The following ATXN8OS variants were observed in gnomAD, a reference collection of about 807,000 sequenced individuals.
ATXN8OS encodes ATXN8 opposite strand (non-protein coding).
chr13:70,163,368 C>T (rs888094940), intron 4 of ATXN8OS, among the ~76,000 whole-genome samples: 3 of 151,642 alleles, frequency 2.0e-5, no homozygotes. Flanking sequence ...TACACAAAAT[C>T]ATCTCCCTTG....
At chr13:70,149,648 A>G (rs1474797551) in intron 4 of ATXN8OS, among the ~76,000 whole-genome samples, 2 of 152,154 alleles carry the variant, frequency 1.3e-5, no homozygotes, top group African/African-American at 2.4e-5. Flanking sequence ...GAATATCACT[A>G]TTATCATGAT....
chr13:70,149,810 C>CA (rs1227284920), intron 4 of ATXN8OS, among the ~76,000 whole-genome samples: 1 of 152,056 alleles, frequency 6.6e-6, no homozygotes, highest in East Asian at 1.9e-4. Context: ...TTAAAACAAC[C>CA]ACTGTGGGTA....
At chr13:70,125,126 T>C (rs1330893987) in intron 2 of ATXN8OS, among the ~76,000 whole-genome samples, 1 of 152,144 alleles carries the variant, frequency 6.6e-6, no homozygotes, top group African/African-American at 2.4e-5. Flanking sequence ...GGTATACCTA[T>C]CAATTACCCT....
intron 2 of ATXN8OS, among the ~76,000 whole-genome samples, chr13:70,128,894 C>T (rs9542182): frequency 0.16 from 24,071 of 150,550 alleles, 2,114 homozygotes; most frequent in East Asian, 0.24. Flanking sequence ...TTCTTTTGCT[C>T]TTGTTGCCCA....
intron 4 of ATXN8OS, among the ~76,000 whole-genome samples, chr13:70,164,605 T>C (rs747245711): frequency 6.6e-6 from 1 of 152,028 alleles, no homozygotes; most frequent in African/African-American, 2.4e-5. Context: ...GGATAAAATG[T>C]TACAAATACA....
rs867363029 is a variant in ATXN8OS at position 70,114,113 on chromosome 13, A to T, written n.241-1028A>T. 2.0e-5 allele frequency among the ~76,000 whole-genome samples: 3 copies of T among 152,352 alleles called. No individual in the cohort carries two copies. The Middle Eastern group carries it at 0.01, about 518-fold the overall frequency. The stretch of plus-strand genomic sequence containing the variant: ...TTTGAAACATTATTACTAGAAGTAA[A>T]TTGGCTTCCAAAATCTAATTTGAAA... On this transcript the variant is annotated intron_variant and non_coding_transcript_variant, in intron 1 of 4. Coordinates refer to ENST00000678624, the Ensembl canonical transcript of ATXN8OS.
intron 4 of ATXN8OS, among the ~76,000 whole-genome samples, chr13:70,165,383 T>C (rs1409376076): frequency 1.3e-5 from 2 of 151,930 alleles, no homozygotes; most frequent in African/African-American, 4.8e-5. Flanking sequence ...TCCTGCATAG[T>C]TGTATAATCA....
At chr13:70,112,731 T>C (rs1888214274) in intron 1 of ATXN8OS, among the ~76,000 whole-genome samples, 1 of 151,954 alleles carries the variant, frequency 6.6e-6, no homozygotes, top group Non-Finnish European at 1.5e-5. Context: ...ATTTCATTAG[T>C]ATGTGAATTC....
At chr13:70,112,920 A>ATATATTTTTTTTTTTTTTTTT (rs1555298511) in intron 1 of ATXN8OS, among the ~76,000 whole-genome samples, 3 of 87,590 alleles carry the variant, frequency 3.4e-5, no homozygotes, top group Non-Finnish European at 6.5e-5. Flanking sequence ...TATATATATA[A>ATATATTTTTTTTTTTTTTTTT]TTTTTTTTTT....
chr13:70,134,681 AG>A (rs1263034447), intron 3 of ATXN8OS, among the ~76,000 whole-genome samples: 1 of 152,220 alleles, frequency 6.6e-6, no homozygotes, highest in Non-Finnish European at 1.5e-5. Flanking sequence ...TTTCCTGAAT[AG>A]AAAAGAGACA....
chr13:70,126,900 T>C (rs538997410), intron 2 of ATXN8OS, among the ~76,000 whole-genome samples: 2 of 151,886 alleles, frequency 1.3e-5, no homozygotes, highest in East Asian at 3.9e-4. Context: ...TAGATAACTC[T>C]GTATCTGTAA....
chr13:70,170,722 A>G (rs1889134730), exon 5 of ATXN8OS, among the ~76,000 whole-genome samples: 1 of 152,154 alleles, frequency 6.6e-6, no homozygotes, highest in Non-Finnish European at 1.5e-5. Context: ...AATGAATACA[A>G]TACAGTCACG....
At chr13:70,107,948 G>A (rs1038043140) in exon 1 of ATXN8OS, 2 of 465,698 alleles carry the variant, frequency 4.3e-6, no homozygotes, top group Non-Finnish European at 7.5e-6. Flanking sequence ...CCAGGCAGGA[G>A]CAGAGGCAGG....
intron 3 of ATXN8OS, among the ~76,000 whole-genome samples, chr13:70,142,846 G>C (rs570982438): frequency 6.6e-6 from 1 of 152,148 alleles, no homozygotes. Flanking sequence ...GCCCGAGGCG[G>C]GAGGATCACC....
At chr13:70,139,339 G>GA (rs1888662861) in intron 3 of ATXN8OS, 14 of 638,884 alleles carry the variant, frequency 2.2e-5, no homozygotes, top group Non-Finnish European at 2.7e-6. Context: ...CTTCATGTTA[G>GA]AAAACCTGGC....
chr13:70,112,338 A>C (rs1229997409), intron 1 of ATXN8OS, among the ~76,000 whole-genome samples: 1 of 152,180 alleles, frequency 6.6e-6, no homozygotes, highest in Non-Finnish European at 1.5e-5. Context: ...ATTTAAAATT[A>C]GAGAATACCA....
At chr13:70,162,101 T>C (rs557253665) in intron 4 of ATXN8OS, among the ~76,000 whole-genome samples, 4 of 151,952 alleles carry the variant, frequency 2.6e-5, no homozygotes, top group East Asian at 1.9e-4. Context: ...AAGGAAGAGA[T>C]GGAGGGTGCA....
chr13:70,136,252 T>C (rs1276855550), intron 3 of ATXN8OS, among the ~76,000 whole-genome samples: 1 of 152,192 alleles, frequency 6.6e-6, no homozygotes, highest in African/African-American at 2.4e-5. Context: ...TATGTACTAA[T>C]TTAGGTTGCA....
intron 3 of ATXN8OS, chr13:70,131,401 G>T (rs952651091): frequency 1.3e-5 from 5 of 398,262 alleles, no homozygotes; most frequent in Non-Finnish European, 1.8e-5. Context: ...ACCGTGACAC[G>T]TATCTGTCTC....
Sources: allele counts gnomAD v4.1 joint callset (sites outside exome capture counted in the v4.1 genomes callset), GRCh38; gene constraint gnomAD v4.1.1; transcripts MANE v1.5; gene names NCBI Gene and HGNC (gene_info 2026-07-23, HGNC 2026-07-21).